CATSPERE: variants seen among roughly 807,000 people sequenced by gnomAD.
The protein encoded by CATSPERE is catsper channel auxiliary subunit epsilon, also known as cation channel sperm-associated auxiliary subunit epsilon.
In CATSPERE, 93 loss-of-function variants were observed where a neutral mutation model predicts 114.1. That is an observed-to-expected ratio of 0.81 (90% CI 0.69 to 0.97). The LOEUF is 0.97. Among genes scored for constraint, CATSPERE ranks in the 50% least tolerant of loss-of-function variants. The probability of loss-of-function intolerance (pLI) is 0.00; values close to 1 mark genes in which losing one functional copy is unlikely to be tolerated. For missense variants in CATSPERE, 1,058 were observed against 1,131.6 expected (o/e 0.93, Z 0.93); for synonymous variants, 341 against 384.1 (o/e 0.89, Z 1.31).
intron 1 of CATSPERE, 40 bp from the exon 2 acceptor site, chr1:244,463,868 A>C (rs749733679): frequency 1.3e-6 from 2 of 1,500,594 alleles, no homozygotes; most frequent in African/African-American, 2.8e-5. Flanking sequence ...TTGAAGAATA[A>C]ATTAGTTTTA....
At chr1:244,527,047 AC>A (rs536952915) in intron 8 of CATSPERE, among the ~76,000 whole-genome samples, 73 of 152,132 alleles carry the variant, frequency 4.8e-4, no homozygotes, top group African/African-American at 1.7e-3. Context: ...AGATCACAGG[AC>A]CACAGGACCG....
chr1:244,605,293 T>C (rs934841480), intron 17 of CATSPERE, among the ~76,000 whole-genome samples: 2 of 152,158 alleles, frequency 1.3e-5, no homozygotes, highest in African/African-American at 4.8e-5. Context: ...CATCCTTCCG[T>C]CTTTCTCCCT....
intron 20 of CATSPERE, among the ~76,000 whole-genome samples, chr1:244,622,382 C>G (rs1030028060): frequency 5.4e-5 from 8 of 148,688 alleles, no homozygotes; most frequent in Admixed American, 4.8e-4. Context: ...GCAGAATAAC[C>G]TTAATTTTCT....
At chr1:244,534,467 A>G (rs1472336791) in intron 8 of CATSPERE, among the ~76,000 whole-genome samples, 1 of 150,826 alleles carries the variant, frequency 6.6e-6, no homozygotes. Context: ...TCTTTTTTCT[A>G]TTGTCTTCTC....
chr1:244,629,658 G>A (rs1024827839), intron 20 of CATSPERE, among the ~76,000 whole-genome samples: 3 of 148,982 alleles, frequency 2.0e-5, no homozygotes, highest in East Asian at 4.1e-4. Flanking sequence ...TTTTGTTTTT[G>A]AGACAGAGTC....
chr1:244,530,326 G>C (rs1430762440), intron 8 of CATSPERE, among the ~76,000 whole-genome samples: 1 of 152,148 alleles, frequency 6.6e-6, no homozygotes, highest in African/African-American at 2.4e-5. Flanking sequence ...TGAGTTCACT[G>C]TAGATGTATT....
chr1:244,631,369 G>GA (rs1024244427), intron 20 of CATSPERE, among the ~76,000 whole-genome samples: 34 of 152,016 alleles, frequency 2.2e-4, no homozygotes, highest in African/African-American at 8.2e-4. Flanking sequence ...ACTAACATAG[G>GA]AAAAAACCTA....
At chr1:244,626,997 A>C (rs1673282248) in intron 20 of CATSPERE, among the ~76,000 whole-genome samples, 1 of 152,202 alleles carries the variant, frequency 6.6e-6, no homozygotes, top group African/African-American at 2.4e-5. Flanking sequence ...ATCTTTCAAC[A>C]TGCCTTCCTC....
intron 19 of CATSPERE, among the ~76,000 whole-genome samples, chr1:244,616,568 GGA>G (rs1388358037): frequency 6.6e-6 from 1 of 152,154 alleles, no homozygotes; most frequent in African/African-American, 2.4e-5. Flanking sequence ...GAAGGCAAAA[GGA>G]GAGAGAGGGT....
intron 20 of CATSPERE, among the ~76,000 whole-genome samples, chr1:244,621,155 A>T (rs1252511259): frequency 1.1e-3 from 21 of 19,038 alleles, no homozygotes; most frequent in African/African-American, 3.9e-3. Context: ...TATATTATAA[A>T]ATATATATAT....
intron 18 of CATSPERE, among the ~76,000 whole-genome samples, chr1:244,606,214 C>CT (rs372280774): frequency 1.6e-4 from 25 of 152,336 alleles, no homozygotes; most frequent in African/African-American, 5.3e-4. Context: ...TCCCTACACT[C>CT]TCCCGGCTTC....
chr1:244,464,129 A>G (rs1490097871), intron 2 of CATSPERE, among the ~76,000 whole-genome samples, 173 bp downstream of exon 2: 1 of 152,152 alleles, frequency 6.6e-6, no homozygotes, highest in African/African-American at 2.4e-5. Flanking sequence ...ATGTCCTTAA[A>G]TTTGCATGTA....
chr1:244,491,461 T>G (rs1672146979), intron 6 of CATSPERE, among the ~76,000 whole-genome samples: 2 of 151,046 alleles, frequency 1.3e-5, no homozygotes, highest in South Asian at 4.2e-4. Context: ...AGAGGGAAAT[T>G]TATAGCACTA....
chr1:244,561,107 T>A lies in CATSPERE; in HGVS notation c.1469T>A (p.Met490Lys). Residue 490 changes from methionine (M) to lysine (K), a missense_variant, in exon 10 of 22, where the codon ATG becomes AAG. By Grantham distance (95) the Met-to-Lys change is moderately conservative (BLOSUM62 -1). Coordinates refer to ENST00000366534, the MANE Select transcript of CATSPERE (RefSeq NM_001130957.2). ...QTPAGHGNLS[M>K]LSNDSIIHEV... ...CCTGCAGGACATGGAAATCTATCAA[T>A]GCTATCAAATGACAGCATTATTCAT... 6.2e-7 allele frequency: 1 copy of A among 1,608,016 alleles called. No individual in the cohort carries two copies. Among genetic ancestry groups the A allele is most frequent in the Non-Finnish European group, 8.5e-7 (1 of 1,175,360 alleles).
chr1:244,625,224 G>A (rs764281266), intron 20 of CATSPERE, among the ~76,000 whole-genome samples: 4 of 150,984 alleles, frequency 2.6e-5, no homozygotes, highest in East Asian at 1.9e-4. Context: ...CTCATTGATC[G>A]TGGGTTGCAG....
At chr1:244,600,373 G>GAT (rs1398855763) in intron 17 of CATSPERE, among the ~76,000 whole-genome samples, 1 of 142,452 alleles carries the variant, frequency 7.0e-6, no homozygotes, top group Non-Finnish European at 1.5e-5. Flanking sequence ...AAAAAAAAAA[G>GAT]AGAGAGAGAG....
At chr1:244,632,103 G>T (rs1674018132) in intron 20 of CATSPERE, among the ~76,000 whole-genome samples, 1 of 151,854 alleles carries the variant, frequency 6.6e-6, no homozygotes, top group Admixed American at 6.6e-5. Flanking sequence ...CAAAAATAAA[G>T]AAAATACTGT....
chr1:244,501,376 C>G (rs964640969), intron 7 of CATSPERE, among the ~76,000 whole-genome samples: 1 of 152,156 alleles, frequency 6.6e-6, no homozygotes, highest in African/African-American at 2.4e-5. Flanking sequence ...TTACCTCTTT[C>G]AAGATTTAAA....
rs1039303439 is a variant in CATSPERE, at chr1:244,514,816, A to G, written c.430-3776A>G. ...TGCACTCCAGCCTGGCGGACAGAGC[A>G]AGACTCCATCTCAAAAAAAAAAAAA... On this transcript the variant is annotated intron_variant, in intron 7 of 21. Transcript: ENST00000366534. Among the ~76,000 whole-genome samples, 12 of 147,600 alleles carry G rather than the reference A, an allele frequency of 8.1e-5. No homozygotes were observed. In the South Asian group the frequency reaches 1.1e-3, roughly 14 times the overall value.
Sources: gnomAD v4.1 joint callset for allele counts (sites outside exome capture counted in the v4.1 genomes callset) on GRCh38, gnomAD v4.1.1 for gene constraint, MANE v1.5 for transcripts, NCBI Gene and HGNC (gene_info 2026-07-23, HGNC 2026-07-21) for gene names.